CCDC171: variants seen among roughly 807,000 people sequenced by gnomAD.
CCDC171 encodes the protein coiled-coil domain-containing protein 171.
In CCDC171, 177 loss-of-function variants were observed where a neutral mutation model predicts 168.2. The ratio of observed to expected loss-of-function variants is 1.05; its 90% CI spans 0.93 to 1.19. The LOEUF (loss-of-function observed/expected upper bound fraction) is 1.19. Among genes scored for constraint, CCDC171 ranks in the 50% most tolerant of loss-of-function variants. The pLI is 0.00. For synonymous variants in CCDC171, 687 were observed against 540.8 expected (o/e 1.27, Z -3.75); for missense variants, 1,991 against 1,539.0 (o/e 1.29, Z -4.91).
chr9:15,569,265 C>G (rs934493065), intron 2 of CCDC171, among the ~76,000 whole-genome samples: 1 of 152,144 alleles, frequency 6.6e-6, no homozygotes, highest in South Asian at 2.1e-4. Context: ...GAGGATATAT[C>G]ATGGAGCCAG....
chr9:15,811,128 G>A (rs1290020058), intron 21 of CCDC171, among the ~76,000 whole-genome samples: 3 of 152,224 alleles, frequency 2.0e-5, no homozygotes, highest in African/African-American at 7.2e-5. Flanking sequence ...TGTTGGGCTT[G>A]GAAAGAGAAA....
intron 7 of CCDC171, among the ~76,000 whole-genome samples, chr9:15,639,689 C>G (rs1292884302): frequency 6.6e-6 from 1 of 152,104 alleles, no homozygotes; most frequent in Non-Finnish European, 1.5e-5. Context: ...GTGACTTTAA[C>G]TTTGAATTTT....
intron 21 of CCDC171, among the ~76,000 whole-genome samples, chr9:15,792,642 A>G (rs1239732080): frequency 2.6e-5 from 4 of 152,202 alleles, no homozygotes; most frequent in African/African-American, 9.7e-5. Flanking sequence ...AAACTCTACA[A>G]GCCAGAAGAG....
chr9:15,773,152 T>G (rs2057102220), intron 18 of CCDC171, among the ~76,000 whole-genome samples: 1 of 152,156 alleles, frequency 6.6e-6, no homozygotes, highest in African/African-American at 2.4e-5. Flanking sequence ...GAAAAAATGT[T>G]GTAGATTGCT....
chr9:15,634,543 C>A (rs969670864), intron 7 of CCDC171, among the ~76,000 whole-genome samples: 1 of 152,222 alleles, frequency 6.6e-6, no homozygotes, highest in East Asian at 1.9e-4. Context: ...AGATAATAAA[C>A]CTTTGTGTGA....
chr9:15,669,728 A>G (rs920573702), intron 9 of CCDC171, among the ~76,000 whole-genome samples: 3 of 152,176 alleles, frequency 2.0e-5, no homozygotes, highest in African/African-American at 4.8e-5. Flanking sequence ...AATTTGAAAC[A>G]TCATTAGTCA....
chr9:15,755,795 G>A (rs530741518), intron 18 of CCDC171, among the ~76,000 whole-genome samples: 1 of 152,270 alleles, frequency 6.6e-6, no homozygotes, highest in African/African-American at 2.4e-5. Context: ...GCTGGAGTGA[G>A]GGTTAAGGGA....
intron 23 of CCDC171, among the ~76,000 whole-genome samples, chr9:15,860,680 A>G (rs1283329559): frequency 6.6e-6 from 1 of 151,956 alleles, no homozygotes; most frequent in African/African-American, 2.4e-5. Flanking sequence ...CATATGATAT[A>G]TCCTGGAAAA....
chr9:16,032,670 T>C (rs1250700030), intron 6 of CCDC171, among the ~76,000 whole-genome samples: 1 of 151,970 alleles, frequency 6.6e-6, no homozygotes, highest in Non-Finnish European at 1.5e-5. Flanking sequence ...CAGGCTGGAG[T>C]ACAGTGGCAC....
At chr9:15,828,658 G>A (rs2060112411) in intron 21 of CCDC171, among the ~76,000 whole-genome samples, 1 of 152,148 alleles carries the variant, frequency 6.6e-6, no homozygotes, top group African/African-American at 2.4e-5. Context: ...GGGTGCTACA[G>A]AAGCCTGCAT....
chr9:15,648,911 T>A (rs1473621516), intron 7 of CCDC171, among the ~76,000 whole-genome samples: 1 of 152,202 alleles, frequency 6.6e-6, no homozygotes, highest in African/African-American at 2.4e-5. Context: ...GAAGTTCATA[T>A]GAAACCAGAA....
At chr9:16,031,131 G>T (rs1833358860) in intron 6 of CCDC171, among the ~76,000 whole-genome samples, 1 of 152,084 alleles carries the variant, frequency 6.6e-6, no homozygotes, top group Non-Finnish European at 1.5e-5. Flanking sequence ...TGCTGGTTGG[G>T]GGCTTAGGTT....
chr9:15,774,629 C>G (rs912538238), intron 18 of CCDC171, among the ~76,000 whole-genome samples: 5 of 152,104 alleles, frequency 3.3e-5, no homozygotes, highest in Non-Finnish European at 5.9e-5. Context: ...GAAAAGATGT[C>G]GTTATACAAA....
At chr9:15,668,440 A>G (rs1051178344) in intron 9 of CCDC171, among the ~76,000 whole-genome samples, 1 of 152,200 alleles carries the variant, frequency 6.6e-6, no homozygotes, top group South Asian at 2.1e-4. Flanking sequence ...CCAACTGACA[A>G]TTCTAAACAT....
intron 11 of CCDC171, among the ~76,000 whole-genome samples, chr9:15,697,448 A>G (rs1411134176): frequency 6.6e-6 from 1 of 152,166 alleles, no homozygotes; most frequent in Non-Finnish European, 1.5e-5. Flanking sequence ...TTTAATTTAC[A>G]TCCTGATTGA....
At chr9:15,691,546 T>TATATA (rs1554762228) in intron 10 of CCDC171, among the ~76,000 whole-genome samples, 1,910 of 106,326 alleles carry the variant, frequency 0.018, 74 homozygotes, top group Non-Finnish European at 0.024. Context: ...TATATGTTTT[T>TATATA]TATATATATA....
intron 21 of CCDC171, among the ~76,000 whole-genome samples, chr9:15,837,634 T>A (rs1015752788): frequency 6.6e-6 from 1 of 152,228 alleles, no homozygotes; most frequent in South Asian, 2.1e-4. Context: ...CCAACAGTAC[T>A]TTGAATATGC....
chr9:15,989,042 G>T (rs1832095278), intron 3 of CCDC171, among the ~76,000 whole-genome samples: 1 of 152,200 alleles, frequency 6.6e-6, no homozygotes, highest in Non-Finnish European at 1.5e-5. Context: ...AACCTCTGCA[G>T]ACTTAAATGT....
chr9:15,813,473 C>T (rs1035339138), intron 21 of CCDC171, among the ~76,000 whole-genome samples: 1 of 152,110 alleles, frequency 6.6e-6, no homozygotes, highest in African/African-American at 2.4e-5. Flanking sequence ...TTGGCTATAG[C>T]ATCTAACTAA....
Sources: gnomAD v4.1 joint callset for allele counts (sites outside exome capture counted in the v4.1 genomes callset) on GRCh38, gnomAD v4.1.1 for gene constraint, MANE v1.5 for transcripts, NCBI Gene and HGNC (gene_info 2026-07-23, HGNC 2026-07-21) for gene names.